SP3: variants seen among roughly 807,000 people sequenced by gnomAD.
The protein encoded by SP3 is transcription factor Sp3.
SP3 carries 10 observed loss-of-function variants against 70.3 expected under a neutral mutation model. That is an observed-to-expected ratio of 0.14 (90% confidence interval 0.09 to 0.24). The LOEUF is 0.24. SP3 is among the 10% of genes least tolerant of loss of function. SP3 has a pLI of 1.00. For missense variants in SP3, 825 were observed against 914.6 expected (o/e 0.90, Z 1.26); for synonymous variants, 402 against 333.5 (o/e 1.21, Z -2.24).
intron 4 of SP3, among the ~76,000 whole-genome samples, chr2:173,953,167 T>G (rs1165975800): frequency 6.6e-6 from 1 of 152,268 alleles, no homozygotes; most frequent in Non-Finnish European, 1.5e-5. Context: ...GGATTTTTCT[T>G]TAACTGCAAG....
Position 173,905,900 on chromosome 2 carries a change from G to A in SP3, c.*4041C>T, listed in dbSNP as rs188005271. 6.6e-5 allele frequency among the ~76,000 whole-genome samples: 10 copies of A among 152,266 alleles called. No homozygotes were observed. The East Asian group carries it at 7.7e-4, about 12-fold the overall frequency. On this transcript the variant is annotated 3_prime_UTR_variant, in exon 7 of 7. Coordinates refer to ENST00000310015, the MANE Select transcript of SP3 (RefSeq NM_003111.5). ...TGTGGTCCAAGCTACTTAAGAGGCC[G>A]AAGTGGGGAGGATTGCTTGAGACCA...
chr2:173,912,550 A>C (rs181049782), intron 6 of SP3, among the ~76,000 whole-genome samples: 2 of 152,336 alleles, frequency 1.3e-5, no homozygotes, highest in East Asian at 1.9e-4. Context: ...TTCATTTAAC[A>C]ACCACACAAC....
chr2:173,954,418 T>G (rs1435737019), intron 4 of SP3, among the ~76,000 whole-genome samples: 1 of 152,166 alleles, frequency 6.6e-6, no homozygotes, highest in Admixed American at 6.5e-5. Context: ...GAAAAATAAC[T>G]TGGTCAAAAT....
chr2:173,964,213 G>T, intron 2 of SP3, 192 bp downstream of exon 2: 1 of 473,400 alleles, frequency 2.1e-6, no homozygotes, highest in South Asian at 3.2e-5. Context: ...GCGGCAGGCG[G>T]GCGAGGCGGG....
intron 3 of SP3, chr2:173,962,911 C>G (rs571084155): frequency 4.1e-4 from 62 of 152,272 alleles, no homozygotes; most frequent in African/African-American, 1.5e-3. Context: ...ATAACACAGG[C>G]GAGCTCCTCC....
intron 5 of SP3, 64 bp downstream of exon 5, chr2:173,918,529 T>C: frequency 6.9e-7 from 1 of 1,452,098 alleles, no homozygotes; most frequent in Non-Finnish European, 9.4e-7. Context: ...TAGCATGCAG[T>C]ATTTCAAAAA....
chr2:173,951,527 T>TAG (rs1219833175), intron 4 of SP3, among the ~76,000 whole-genome samples: 4 of 152,228 alleles, frequency 2.6e-5, no homozygotes, highest in Non-Finnish European at 5.9e-5. Flanking sequence ...CTGTAATGTC[T>TAG]AGAGTGAATA....
At position 173,913,158 on chromosome 2, in the gene SP3, T is replaced by C. The variant is rs1689536747; in HGVS notation, c.1941A>G (p.Gly647=). ...HLRAHLRWHS[G]ERPFVCNWMY... ...TCCAGTTACAAACAAAAGGGCGTTC[T>C]CCAGAATGCCAACGCAGATGAGCTC... Residue 647 remains glycine (G), a synonymous_variant, in exon 6 of 7, where the codon GGA becomes GGG. Coordinates refer to ENST00000310015, the MANE Select transcript of SP3 (RefSeq NM_003111.5). The C allele has an allele frequency of 6.2e-7, 1 of 1,613,604 alleles. No individual in the cohort carries two copies. The highest frequency in any genetic ancestry group is 1.3e-5 in the African/African-American group (1 of 74,922).
intron 4 of SP3, among the ~76,000 whole-genome samples, chr2:173,939,707 G>C (rs912529405): frequency 3.2e-5 from 4 of 126,956 alleles, no homozygotes; most frequent in Admixed American, 1.0e-4. Context: ...GGAAGTTGTA[G>C]TGAGCCAAGA....
In SP3 at chr2:173,910,303, T is replaced by C. The variant is rs774101614; in HGVS notation, c.2030-46A>G. 2.6e-6 allele frequency: 4 copies of C among 1,540,182 alleles called. No individual in the cohort carries two copies. In the South Asian group the frequency reaches 4.5e-5, roughly 17 times the overall value. On this transcript the variant is annotated intron_variant, in intron 6 of 6. Transcript: ENST00000310015. ...TTACTTGGTTTTAAAAATTCAACTT[T>C]AATAGCTCAATCATCTCCCCCAAAA...
In SP3 at chr2:173,955,986, T is replaced by A. The variant is rs1690877268; in HGVS notation, c.526A>T (p.Ile176Phe). 5 of 1,614,216 alleles carry A rather than the reference T, an allele frequency of 3.1e-6. No homozygotes were observed. Among genetic ancestry groups the A allele is most frequent in the Non-Finnish European group, 1.7e-6 (2 of 1,180,016 alleles). ...SSVQYQVIPQ[I>F]QSADGQQVQI... The stretch of plus-strand genomic sequence containing the variant: ...ACCTGCTGACCATCTGCTGACTGGA[T>A]CTGTGGTATCACTTGATATTGAACA... Residue 176 changes from isoleucine to phenylalanine, a missense_variant, in exon 4 of 7, where the codon ATC (isoleucine) becomes TTC (phenylalanine). Ile to Phe is a conservative substitution (Grantham distance 21). Around this residue, in one of 4 missense-constraint regions of SP3, gnomAD observed 678 missense variants for 651.6 expected, o/e 1.04. Transcript: ENST00000310015.
chr2:173,961,935 GTTTTTTTTTT>G (rs536537799), intron 3 of SP3, among the ~76,000 whole-genome samples: 1 of 81,014 alleles, frequency 1.2e-5, no homozygotes, highest in Non-Finnish European at 2.4e-5. Context: ...TATGGTTTGG[GTTTTTTTTTT>G]TTTTTTTTTT....
chr2:173,906,913 T>C lies in SP3; in HGVS notation c.*3028A>G, dbSNP rs544780170. ...CCCAGCAATTTCTAATGAACAATACTGTTTAAGAACTATTTTCTATGAAAT... is the reference window on the plus strand; with the variant it reads ...CCCAGCAATTTCTAATGAACAATACCGTTTAAGAACTATTTTCTATGAAAT... On this transcript the variant is annotated 3_prime_UTR_variant, in exon 7 of 7. Coordinates refer to ENST00000310015, the MANE Select transcript of SP3 (RefSeq NM_003111.5). 10 of 152,282 alleles carry C rather than the reference T, an allele frequency of 6.6e-5. No homozygotes were observed. In the East Asian group the frequency reaches 1.3e-3, roughly 21 times the overall value. The allele number at this position is 152,282 out of a possible 1,614,324, so 9.4% of individuals were successfully genotyped here.
intron 4 of SP3, among the ~76,000 whole-genome samples, chr2:173,933,638 T>TATATA (rs71405167): frequency 4.6e-5 from 4 of 86,556 alleles, no homozygotes; most frequent in Admixed American, 1.3e-4. Flanking sequence ...TTATAAAACT[T>TATATA]TATATATATA....
intron 4 of SP3, among the ~76,000 whole-genome samples, chr2:173,927,479 T>C (rs1689948760): frequency 6.6e-6 from 1 of 152,056 alleles, no homozygotes; most frequent in African/African-American, 2.4e-5. Context: ...GGTTTCACCA[T>C]GTTGGCCAGG....
At chr2:173,940,397 ATGCTGC>A (rs1389326975) in intron 4 of SP3, among the ~76,000 whole-genome samples, 1 of 152,200 alleles carries the variant, frequency 6.6e-6, no homozygotes, top group Non-Finnish European at 1.5e-5. Context: ...TGAGAATCTA[ATGCTGC>A]TGTTGATGTG....
intron 4 of SP3, among the ~76,000 whole-genome samples, chr2:173,926,149 C>G (rs531856837): frequency 2.0e-5 from 3 of 152,138 alleles, no homozygotes; most frequent in African/African-American, 7.2e-5. Context: ...TACCTCCTTT[C>G]CCACCTCCCA....
intron 4 of SP3, among the ~76,000 whole-genome samples, chr2:173,920,254 G>A (rs1025772022): frequency 6.6e-6 from 1 of 152,072 alleles, no homozygotes; most frequent in African/African-American, 2.4e-5. Context: ...AAGATCAGTG[G>A]TTGCCAGGAA....
chr2:173,959,452 C>T (rs1690992380), intron 3 of SP3, among the ~76,000 whole-genome samples: 1 of 151,436 alleles, frequency 6.6e-6, no homozygotes, highest in Admixed American at 6.6e-5. Flanking sequence ...CGTGACAGGG[C>T]CGGTGGCTCA....
Sources: gnomAD v4.1 joint callset for allele counts (sites outside exome capture counted in the v4.1 genomes callset) on GRCh38, gnomAD v4.1.1 for gene constraint, gnomAD v4.1.1 regional missense constraint, MANE v1.5 for transcripts, NCBI Gene and HGNC (gene_info 2026-07-23, HGNC 2026-07-21) for gene names.